Variants in RIT2 observed in about 807,000 individuals in gnomAD.
The protein encoded by RIT2 is Ras like without CAAX 2.
Under a neutral mutation model 23.7 loss-of-function variants are expected in RIT2, and 24 were observed. That is an observed-to-expected ratio of 1.01 (90% CI 0.73 to 1.43). The LOEUF (loss-of-function observed/expected upper bound fraction) is 1.43, where lower values mean the gene tolerates loss of function less well. Among genes scored for constraint, RIT2 ranks in the 40% most tolerant of loss-of-function variants. RIT2 has a pLI of 0.00. For missense variants in RIT2, 236 were observed against 266.9 expected (o/e 0.88, Z 0.81); for synonymous variants, 107 against 91.1 (o/e 1.17, Z -0.99).
At chr18:43,067,805 C>T (rs1294403682) in intron 1 of RIT2, among the ~76,000 whole-genome samples, 1 of 151,318 alleles carries the variant, frequency 6.6e-6, no homozygotes, top group Non-Finnish European at 1.5e-5. Context: ...TGAGGTATGT[C>T]TGACCCCTTG....
intron 4 of RIT2, among the ~76,000 whole-genome samples, chr18:42,844,849 A>G (rs1169828656): frequency 6.6e-6 from 1 of 152,188 alleles, no homozygotes; most frequent in Non-Finnish European, 1.5e-5. Flanking sequence ...CTATCTGCCT[A>G]GAATTTCTCT....
At chr18:42,759,036 C>G (rs1371143196) in intron 4 of RIT2, among the ~76,000 whole-genome samples, 3 of 152,134 alleles carry the variant, frequency 2.0e-5, no homozygotes, top group Non-Finnish European at 2.9e-5. Context: ...TGTCAGCCTT[C>G]GTAGTAGCAT....
chr18:42,970,605 C>T (rs1323159491), intron 3 of RIT2, among the ~76,000 whole-genome samples: 1 of 151,926 alleles, frequency 6.6e-6, no homozygotes, highest in African/African-American at 2.4e-5. Flanking sequence ...GACAGGTATC[C>T]AGTCCTACAC....
chr18:42,896,273 TA>T (rs1226584501), intron 4 of RIT2, among the ~76,000 whole-genome samples: 15 of 151,992 alleles, frequency 9.9e-5, no homozygotes, highest in Non-Finnish European at 1.5e-5. Flanking sequence ...ACAAAAAAAA[TA>T]AAAAAAGTTT....
rs373674229 is a variant in RIT2 at position 42,768,856 on chromosome 18, CAT to C, written c.427-25138_427-25137del. Reference sequence around the variant, plus strand: ...TGCTTGCCCTGAAGGCCTTCTCCCACATGTTTAAAATGATATCCCAACTTCCC... The same window carrying C: ...TGCTTGCCCTGAAGGCCTTCTCCCACGTTTAAAATGATATCCCAACTTCCC... On this transcript the variant is annotated intron_variant, in intron 4 of 4. Coordinates refer to ENST00000326695, the MANE Select transcript of RIT2 (RefSeq NM_002930.4). Among the ~76,000 whole-genome samples, 481 of 152,256 alleles carry C rather than the reference CAT, an allele frequency of 3.2e-3. 1 individual carries two copies. The highest frequency in any genetic ancestry group is 0.011 in the African/African-American group (450 of 41,552).
intron 1 of RIT2, among the ~76,000 whole-genome samples, chr18:43,094,278 G>C (rs1304915094): frequency 6.6e-6 from 1 of 151,678 alleles, no homozygotes; most frequent in East Asian, 1.9e-4. Flanking sequence ...GTAGAAGATA[G>C]GTATTTGCAA....
intron 2 of RIT2, among the ~76,000 whole-genome samples, chr18:42,993,049 G>T (rs1414948878): frequency 6.6e-6 from 1 of 152,128 alleles, no homozygotes; most frequent in African/African-American, 2.4e-5. Context: ...TCCACTGTGA[G>T]ACAAACCCCA....
intron 4 of RIT2, among the ~76,000 whole-genome samples, chr18:42,907,636 A>C (rs954329124): frequency 6.6e-6 from 1 of 152,174 alleles, no homozygotes; most frequent in African/African-American, 2.4e-5. Flanking sequence ...GAATGAGAAA[A>C]GACAATTATT....
At chr18:42,925,977 A>T (rs888130351) in intron 3 of RIT2, among the ~76,000 whole-genome samples, 4 of 151,806 alleles carry the variant, frequency 2.6e-5, no homozygotes, top group Admixed American at 1.3e-4. Flanking sequence ...ATCTATGAAC[A>T]GGCATTTAGA....
At chr18:42,800,396 A>G (rs1001407621) in intron 4 of RIT2, among the ~76,000 whole-genome samples, 2 of 152,054 alleles carry the variant, frequency 1.3e-5, no homozygotes, top group Non-Finnish European at 2.9e-5. Context: ...TACTTCAGGG[A>G]TTAATATTTA....
intron 2 of RIT2, among the ~76,000 whole-genome samples, chr18:43,022,659 C>T (rs1911624272): frequency 6.6e-6 from 1 of 151,992 alleles, no homozygotes; most frequent in Non-Finnish European, 1.5e-5. Flanking sequence ...CTTGTATTTT[C>T]TGTCTCTTCC....
At chr18:42,884,295 A>C (rs2144083828) in intron 4 of RIT2, among the ~76,000 whole-genome samples, 1 of 152,340 alleles carries the variant, frequency 6.6e-6, no homozygotes, top group Non-Finnish European at 1.5e-5. Flanking sequence ...GGAGACTCTC[A>C]AAGGAAATTA....
At chr18:42,825,232 A>G (rs1001379562) in intron 4 of RIT2, among the ~76,000 whole-genome samples, 1 of 151,896 alleles carries the variant, frequency 6.6e-6, no homozygotes, top group Non-Finnish European at 1.5e-5. Context: ...AATATGGGAC[A>G]AAGAGTAGAA....
intron 4 of RIT2, among the ~76,000 whole-genome samples, chr18:42,768,084 C>CAT (rs140445799): frequency 3.0e-4 from 46 of 150,822 alleles, no homozygotes; most frequent in Middle Eastern, 3.5e-3. Context: ...TAGTATATAG[C>CAT]ATATATATAT....
At chr18:42,978,759 T>C (rs1167695876) in intron 2 of RIT2, among the ~76,000 whole-genome samples, 1 of 152,152 alleles carries the variant, frequency 6.6e-6, no homozygotes, top group East Asian at 1.9e-4. Context: ...TCTTCTCCAC[T>C]GTCCCTCTTC....
chr18:42,906,892 G>T (rs897087937), intron 4 of RIT2, among the ~76,000 whole-genome samples: 1 of 152,202 alleles, frequency 6.6e-6, no homozygotes, highest in Admixed American at 6.5e-5. Context: ...CAACCGTCCT[G>T]CCTATTGTCT....
chr18:42,965,745 T>TTTG (rs1910206893), intron 3 of RIT2, among the ~76,000 whole-genome samples: 1 of 126,118 alleles, frequency 7.9e-6, no homozygotes, highest in Non-Finnish European at 1.6e-5. Context: ...TTTTTTTTTT[T>TTTG]CAGAATTCTT....
intron 4 of RIT2, among the ~76,000 whole-genome samples, chr18:42,903,615 CTT>C (rs1568026135): frequency 6.6e-6 from 1 of 151,946 alleles, no homozygotes; most frequent in Non-Finnish European, 1.5e-5. Context: ...AAAATCTTCA[CTT>C]CAATCCATGA....
At chr18:43,079,510 A>G (rs934691666) in intron 1 of RIT2, among the ~76,000 whole-genome samples, 1 of 152,142 alleles carries the variant, frequency 6.6e-6, no homozygotes, top group African/African-American at 2.4e-5. Flanking sequence ...AATTTTTCCT[A>G]TAGGACTAGT....
Sources: allele counts gnomAD v4.1 joint callset (sites outside exome capture counted in the v4.1 genomes callset), GRCh38; gene constraint gnomAD v4.1.1; transcripts MANE v1.5; gene names NCBI Gene and HGNC (gene_info 2026-07-23, HGNC 2026-07-21).